Variants in CCDC167 observed in about 807,000 individuals in gnomAD.
CCDC167 encodes the protein coiled-coil domain-containing protein 167.
CCDC167 carries 15 observed loss-of-function variants against 12.7 expected under a neutral mutation model. The ratio of observed to expected loss-of-function variants is 1.18; its 90% CI spans 0.79 to 1.81. The LOEUF is 1.81. Ranked by LOEUF, CCDC167 falls within the 40% of genes most tolerant of loss-of-function variation. The probability of loss-of-function intolerance (pLI) is 0.00; values close to 1 mark genes in which losing one functional copy is unlikely to be tolerated. For synonymous variants in CCDC167, 52 were observed against 49.0 expected (o/e 1.06, Z -0.26); for missense variants, 121 against 120.1 (o/e 1.01, Z -0.03).
chr6:37,494,821 T>TTTTTTTTTTTTA (rs57496870), intron 1 of CCDC167, among the ~76,000 whole-genome samples: 2 of 150,036 alleles, frequency 1.3e-5, no homozygotes, highest in Admixed American at 6.6e-5. Context: ...TTTTTTTTTT[T>TTTTTTTTTTTTA]GAGACGGGGT....
intron 1 of CCDC167, among the ~76,000 whole-genome samples, chr6:37,497,032 A>G (rs1275562972): frequency 6.6e-6 from 1 of 152,216 alleles, no homozygotes; most frequent in East Asian, 1.9e-4. Flanking sequence ...AGAGGAAGGG[A>G]ATCTGGCAGA....
At chr6:37,489,295 T>C (rs1482858505) in intron 1 of CCDC167, among the ~76,000 whole-genome samples, 1 of 151,808 alleles carries the variant, frequency 6.6e-6, no homozygotes, top group Admixed American at 6.5e-5. Context: ...GGAATCTCCA[T>C]GAGTTGCTGA....
chr6:37,483,361 G>T lies in CCDC167; in HGVS notation c.191-72C>A, dbSNP rs534006608. On this transcript the variant is annotated intron_variant, in intron 3 of 3. Coordinates refer to ENST00000373408, the MANE Select transcript of CCDC167 (RefSeq NM_138493.3). ...GTCTGTTCTGCTCTGCCTCTCCAAC[G>T]AGTGGGTACACACTGCTGAGGGCAA... The T allele has an allele frequency of 6.0e-6, 6 of 1,000,790 alleles. No individual in the cohort carries two copies. In the East Asian group the frequency reaches 1.2e-4, roughly 20 times the overall value. 62.0% of individuals were successfully genotyped at this position (1,000,790 alleles called of 1,614,324 possible).
At chr6:37,485,274 G>A in intron 1 of CCDC167, 80 bp from the exon 2 acceptor site, 1 of 1,111,292 alleles carries the variant, frequency 9.0e-7, no homozygotes, top group Middle Eastern at 2.0e-4. Flanking sequence ...AGGGCCTCCG[G>A]GAGTCTTCTT....
At chr6:37,486,328 A>G (rs764114854) in intron 1 of CCDC167, among the ~76,000 whole-genome samples, 5 of 152,290 alleles carry the variant, frequency 3.3e-5, no homozygotes, top group Middle Eastern at 3.4e-3. Flanking sequence ...TCTCTGCCCC[A>G]TTCGCTTCTG....
chr6:37,496,040 T>G (rs1389906422), intron 1 of CCDC167, among the ~76,000 whole-genome samples: 2 of 152,120 alleles, frequency 1.3e-5, no homozygotes, highest in Non-Finnish European at 2.9e-5. Flanking sequence ...GGGACCAAGA[T>G]AGCAAATATA....
At position 37,483,117 on chromosome 6, in the gene CCDC167, G is replaced by T; in HGVS notation, c.*69C>A. The T allele has an allele frequency of 8.2e-7, 1 of 1,218,912 alleles. No homozygotes were observed. The highest frequency in any genetic ancestry group is 1.2e-6 in the Non-Finnish European group (1 of 820,446). 75.5% of individuals were successfully genotyped at this position (1,218,912 alleles called of 1,614,324 possible). On this transcript the variant is annotated 3_prime_UTR_variant, in exon 4 of 4. Coordinates refer to ENST00000373408, the MANE Select transcript of CCDC167 (RefSeq NM_138493.3). ...CAGCACCTTGGTCCTATTGAGGCTT[G>T]AAGTGCCTGCTTGATCCTGATCAAG...
intron 1 of CCDC167, among the ~76,000 whole-genome samples, chr6:37,493,702 C>A (rs1762059703): frequency 6.6e-6 from 1 of 152,262 alleles, no homozygotes; most frequent in Non-Finnish European, 1.5e-5. Flanking sequence ...GGCGTCTAAC[C>A]GCCTGCTCTA....
chr6:37,499,719 C>T (rs908519283), intron 1 of CCDC167, 103 bp downstream of exon 1: 1 of 1,319,248 alleles, frequency 7.6e-7, no homozygotes, highest in East Asian at 2.4e-5. Context: ...CCCTCTCATC[C>T]TACGCTTGGC....
At position 37,483,238 on chromosome 6, in the gene CCDC167, G is replaced by A; in HGVS notation, c.242C>T (p.Ser81Phe). 2 of 1,614,124 alleles carry A rather than the reference G, an allele frequency of 1.2e-6. No individual in the cohort carries two copies. The highest frequency in any genetic ancestry group is 1.7e-6 in the Non-Finnish European group (2 of 1,180,018). The part of the protein sequence containing the change: ...RQENRKNMLL[S>F]VAIFILLTLV... The stretch of plus-strand genomic sequence containing the variant: ...CGTCAGGAGGATAAAGATGGCCACA[G>A]AGAGCAGCATGTTCTTCCGGTTCTC... Residue 81 changes from serine (S) to phenylalanine (F), a missense_variant, in exon 4 of 4, where the codon TCT (serine) becomes TTT (phenylalanine). Transcript: ENST00000373408.
At chr6:37,486,260 G>C (rs530944525) in intron 1 of CCDC167, among the ~76,000 whole-genome samples, 1 of 152,220 alleles carries the variant, frequency 6.6e-6, no homozygotes, top group Non-Finnish European at 1.5e-5. Context: ...CCCCCAAATG[G>C]AATGACTTTC....
chr6:37,493,727 C>G (rs1762060721), intron 1 of CCDC167, among the ~76,000 whole-genome samples: 1 of 152,250 alleles, frequency 6.6e-6, no homozygotes. Flanking sequence ...GACCTCCACT[C>G]AACTGGGCCC....
chr6:37,486,055 C>T (rs78883281), intron 1 of CCDC167, among the ~76,000 whole-genome samples: 131 of 152,280 alleles, frequency 8.6e-4, no homozygotes, highest in African/African-American at 2.8e-3. Context: ...CTGGCCACCT[C>T]TCTGGCTGGG....
chr6:37,492,177 GT>G (rs1762030718), intron 1 of CCDC167, among the ~76,000 whole-genome samples: 1 of 152,182 alleles, frequency 6.6e-6, no homozygotes, highest in South Asian at 2.1e-4. Context: ...CTGAATCTGG[GT>G]TTTTCTGCTT....
Position 37,485,165 on chromosome 6 carries a change from C to T in CCDC167, c.72G>A (p.Gln24=), listed in dbSNP as rs777557033. 1 of 1,613,624 alleles carries T rather than the reference C, an allele frequency of 6.2e-7. No homozygotes were observed. Among genetic ancestry groups the T allele is most frequent in the East Asian group, 2.2e-5 (1 of 44,886 alleles). ...TCACGGCCTCCAGGTCTCTCCGACA[C>T]TGGGACAGCTTCTCCTCTAGCCCAT... ...EIDGLEEKLS[Q]CRRDLEAVNS... is the part of the protein sequence containing the mutation. The change falls in exon 2 of 4, where the codon CAG becomes CAA. Residue 24 remains glutamine, a synonymous_variant. Transcript: ENST00000373408.
rs1303442649 is a variant in CCDC167, at chr6:37,487,381, G to A, written c.43-2187C>T. Reference sequence around the variant, plus strand: ...GAGTTGAGCTTGGGTGGGACTGAGGGGCAAGGACAGACGGTTTAGGTCTCA... The same window carrying A: ...GAGTTGAGCTTGGGTGGGACTGAGGAGCAAGGACAGACGGTTTAGGTCTCA... On this transcript the variant is annotated intron_variant, in intron 1 of 3. Transcript: ENST00000373408. Among the ~76,000 whole-genome samples the A allele has an allele frequency of 2.6e-5, 4 of 152,320 alleles. No homozygotes were observed. The East Asian group carries it at 5.8e-4, about 22-fold the overall frequency.
intron 1 of CCDC167, among the ~76,000 whole-genome samples, chr6:37,493,834 C>T (rs998215218): frequency 1.3e-5 from 2 of 152,232 alleles, no homozygotes; most frequent in Non-Finnish European, 2.9e-5. Flanking sequence ...TAGCCCTTGT[C>T]TCAGGAAAGT....
At chr6:37,488,760 A>G (rs776748652) in intron 1 of CCDC167, among the ~76,000 whole-genome samples, 4 of 152,250 alleles carry the variant, frequency 2.6e-5, no homozygotes, top group African/African-American at 7.2e-5. Context: ...ACCACATTTC[A>G]TATTTCAAAG....
At chr6:37,494,261 C>G (rs1762068822) in intron 1 of CCDC167, among the ~76,000 whole-genome samples, 1 of 152,028 alleles carries the variant, frequency 6.6e-6, no homozygotes, top group African/African-American at 2.4e-5. Context: ...TGGGGTTTCT[C>G]CACGTTGGTC....
Sources: gnomAD v4.1 joint callset for allele counts (sites outside exome capture counted in the v4.1 genomes callset) on GRCh38, gnomAD v4.1.1 for gene constraint, MANE v1.5 for transcripts, NCBI Gene and HGNC (gene_info 2026-07-23, HGNC 2026-07-21) for gene names.